CCDC154: variants seen among roughly 807,000 people sequenced by gnomAD.
CCDC154 encodes the protein coiled-coil domain containing 154, also known as coiled-coil domain-containing protein 154.
In CCDC154, 91 loss-of-function variants were observed where a neutral mutation model predicts 87.5. The ratio of observed to expected loss-of-function variants is 1.04; its 90% CI spans 0.88 to 1.24. The LOEUF is 1.24. CCDC154 is among the 50% of genes most tolerant of loss of function. The probability of loss-of-function intolerance (pLI) is 0.00; values close to 1 mark genes in which losing one functional copy is unlikely to be tolerated. For synonymous variants in CCDC154, 418 were observed against 400.4 expected (o/e 1.04, Z -0.52); for missense variants, 903 against 879.2 (o/e 1.03, Z -0.34).
chr16:1,443,767 C>T (rs781599154), intron 2 of CCDC154, 29 bp downstream of exon 2: 25 of 1,304,394 alleles, frequency 1.9e-5, no homozygotes, highest in African/African-American at 6.1e-5. Context: ...ACGTGGTCCT[C>T]CCCCGCCAGC....
In CCDC154 at chr16:1,438,925, T is replaced by A. The variant is rs986544876; in HGVS notation, c.796A>T (p.Ser266Cys). 5.7e-5 allele frequency: 89 copies of A among 1,548,994 alleles called. No individual in the cohort carries two copies. Among genetic ancestry groups the A allele is most frequent in the Non-Finnish European group, 7.6e-5 (87 of 1,146,342 alleles). Residue 266 changes from serine (S) to cysteine (C), a missense_variant, in exon 8 of 17, where the codon AGC (serine) becomes TGC (cysteine). Coordinates refer to ENST00000389176, the MANE Select transcript of CCDC154 (RefSeq NM_001143980.3). ...ALEKRMKASE[S>C]SRLKLEGSLR... ...CTGCCCTCCAGCTTCAGCCGTGAGC[T>A]CTCCGAGGCCTTCATTCTCTGTGGG...
At position 1,434,763 on chromosome 16, in the gene CCDC154, C is replaced by T. The variant is rs758177260; in HGVS notation, c.1782G>A (p.Ala594=). The change falls in exon 16 of 17, where the codon GCG becomes GCA. Residue 594 remains alanine, a synonymous_variant. Coordinates refer to ENST00000389176, the MANE Select transcript of CCDC154 (RefSeq NM_001143980.3). ...GPRTPLGSWK[A]LPSLVRPRVF... ...CCCGCGGCCTCACCAGGGATGGGAG[C>T]GCCTTCCAGCTGCCCAGCGGCGTCC... The T allele has an allele frequency of 2.1e-5, 33 of 1,544,772 alleles. No homozygotes were observed. Among genetic ancestry groups the T allele is most frequent in the South Asian group, 1.3e-4 (11 of 84,026 alleles).
intron 6 of CCDC154, among the ~76,000 whole-genome samples, chr16:1,440,500 G>GAAGAGAAGAGAA (rs1567258638): frequency 6.8e-6 from 1 of 147,308 alleles, no homozygotes; most frequent in Admixed American, 6.8e-5. Context: ...ACAGAAAAGA[G>GAAGAGAAGAGAA]AAGAGAAGAG....
chr16:1,439,809 A>T (rs561083043), intron 6 of CCDC154, among the ~76,000 whole-genome samples: 1 of 151,322 alleles, frequency 6.6e-6, no homozygotes, highest in Non-Finnish European at 1.5e-5. Context: ...CAGCCCCCAC[A>T]GTAGACATTG....
intron 16 of CCDC154, 40 bp downstream of exon 16, chr16:1,434,628 C>T (rs1205119591): frequency 3.9e-6 from 6 of 1,538,714 alleles, no homozygotes; most frequent in Non-Finnish European, 5.2e-6. Context: ...AACCCCGGCC[C>T]AAAGGCCCAG....
At chr16:1,437,144 G>A (rs2038509476) in intron 11 of CCDC154, 1 of 364,602 alleles carries the variant, frequency 2.7e-6, no homozygotes. Flanking sequence ...GTCGGTGGAT[G>A]AGCGGGAACC....
At chr16:1,441,583 G>C (rs978784655) in intron 6 of CCDC154, among the ~76,000 whole-genome samples, 1 of 152,194 alleles carries the variant, frequency 6.6e-6, no homozygotes, top group African/African-American at 2.4e-5. Flanking sequence ...TCGTGTCCTC[G>C]AGGAAGGTGA....
In CCDC154 at chr16:1,438,720, C is replaced by T; in HGVS notation, c.924G>A (p.Glu308=). Residue 308 remains glutamate, a synonymous_variant, in exon 9 of 17, where the codon GAG becomes GAA. Transcript: ENST00000389176. ...QGQHEESHLL[E]QCQGLDAAVA... is the part of the protein sequence containing the mutation. ...CGGCAGCATCCAGGCCCTGGCACTG[C>T]TCCAGGAGGTGGCTCTCCTGCCAGG... The T allele has an allele frequency of 6.5e-7, 1 of 1,549,864 alleles. No homozygotes were observed. Among genetic ancestry groups the T allele is most frequent in the Non-Finnish European group, 8.7e-7 (1 of 1,146,664 alleles).
chr16:1,437,078 G>C (rs538414315), intron 11 of CCDC154: 3 of 503,612 alleles, frequency 6.0e-6, no homozygotes, highest in African/African-American at 5.8e-5. Flanking sequence ...GCAGGCCCCG[G>C]TGGGACCCAG....
chr16:1,438,135 A>G lies in CCDC154; in HGVS notation c.1067T>C (p.Leu356Pro). 1 of 1,547,848 alleles carries G rather than the reference A, an allele frequency of 6.5e-7. No homozygotes were observed. The highest frequency in any genetic ancestry group is 8.7e-7 in the Non-Finnish European group (1 of 1,145,572). Residue 356 changes from leucine (L) to proline (P), a missense_variant, in exon 10 of 17, where the codon CTG becomes CCG. Transcript: ENST00000389176. ...CAGGTTCTCCTGCACATAGGCGGCC[A>G]GCTCCCCAGCCCGGCTTTCCTCCAA... is the stretch of plus-strand genomic sequence containing the variant. ...GRLEESRAGE[L>P]AAYVQENLEA...
In CCDC154 at chr16:1,443,598, G is replaced by A. The variant is rs1375161035; in HGVS notation, c.322C>T (p.Arg108Trp). The A allele has an allele frequency of 4.8e-6, 7 of 1,443,726 alleles. No individual in the cohort carries two copies. The highest frequency in any genetic ancestry group is 2.9e-5 in the East Asian group (1 of 34,400). 89.4% of individuals were successfully genotyped at this position (1,443,726 alleles called of 1,614,324 possible). Reference sequence around the variant, plus strand: ...GAGCCCTGCAGCTGCACGCGGGCCCGCACCTGGAGCAGCTCCCGCAGCAGG... The same window carrying A: ...GAGCCCTGCAGCTGCACGCGGGCCCACACCTGGAGCAGCTCCCGCAGCAGG... ...RSLLRELLQV[R>W]ARVQLQGSEL... Residue 108 changes from arginine to tryptophan, a missense_variant, in exon 3 of 17, where the codon CGG becomes TGG. By Grantham distance (101) the Arg-to-Trp change is moderately radical. Coordinates refer to ENST00000389176, the MANE Select transcript of CCDC154 (RefSeq NM_001143980.3).
At chr16:1,443,011 C>A (rs909829326) in intron 4 of CCDC154, 36 bp from the exon 5 acceptor site, 12 of 1,547,668 alleles carry the variant, frequency 7.8e-6, no homozygotes, top group African/African-American at 2.7e-5. Context: ...GAGGCCCAGG[C>A]GGGCTGAGCA....
At chr16:1,435,519 T>TTTTTGTTTTTGTTTTTG (rs1555462959) in intron 14 of CCDC154, among the ~76,000 whole-genome samples, 4 of 150,664 alleles carry the variant, frequency 2.7e-5, no homozygotes, top group African/African-American at 1.0e-4. Context: ...TTTGTTTTTG[T>TTTTTGTTTTTGTTTTTG]TTTTGTTTTG....
At chr16:1,435,428 G>A (rs1456358481) in intron 14 of CCDC154, 7 of 557,036 alleles carry the variant, frequency 1.3e-5, no homozygotes, top group Admixed American at 6.6e-5. Context: ...ACGGCACCCC[G>A]GTGTGGGGGC....
Position 1,443,546 on chromosome 16 carries a change from G to A in CCDC154, c.374C>T (p.Ala125Val), listed in dbSNP as rs111972266. ...GSELRQLQQE[A>V]RPAAQAPEKE... ...TTCGGGGGCCTGGGCTGCCGGCCGC[G>A]CCTCCTGCTGCAACTGCCTCAGCTC... The change falls in exon 3 of 17, where the codon GCG becomes GTG. Residue 125 changes from alanine to valine, a missense_variant. Coordinates refer to ENST00000389176, the MANE Select transcript of CCDC154 (RefSeq NM_001143980.3). 125 of 1,475,160 alleles carry A rather than the reference G, an allele frequency of 8.5e-5. 1 individual carries two copies. In the East Asian group the frequency reaches 1.5e-3, roughly 17 times the overall value. 91.4% of individuals were successfully genotyped at this position (1,475,160 alleles called of 1,614,324 possible).
At chr16:1,441,771 G>C (rs1391975447) in intron 6 of CCDC154, among the ~76,000 whole-genome samples, 1 of 152,158 alleles carries the variant, frequency 6.6e-6, no homozygotes, top group African/African-American at 2.4e-5. Flanking sequence ...GCCCCACGTG[G>C]CAACTGAGCT....
Position 1,438,102 on chromosome 16 carries a change from GCGGCCT to G in CCDC154, c.1094_1099del (p.Glu365_Ala366del). 6.5e-7 allele frequency: 1 copy of G among 1,548,956 alleles called. No individual in the cohort carries two copies. Among genetic ancestry groups the G allele is most frequent in the East Asian group, 2.4e-5 (1 of 40,884 alleles). On this transcript the variant is annotated inframe_deletion, in exon 10 of 17. Transcript: ENST00000389176. ...CCGGGCCAGCTCGCCAGCCAGCTGT[GCGGCCT>G]CCAGGTTCTCCTGCACATAGGCGGC...
At chr16:1,438,979 G>C (rs745732661) in intron 7 of CCDC154, 36 bp from the exon 8 acceptor site, 1 of 1,549,494 alleles carries the variant, frequency 6.5e-7, no homozygotes. Flanking sequence ...GCAGGTCTGC[G>C]TCTGGGAAGG....
At position 1,436,674 on chromosome 16, in the gene CCDC154, G is replaced by A. The variant is rs1293892415; in HGVS notation, c.1410+18C>T. ...TCCAAGGCCCAAGTACACCAAGGCT[G>A]GCTGTGCCTTCGCCCACCTGCTGGG... On this transcript the variant is annotated intron_variant, in intron 12 of 16. Transcript: ENST00000389176. 1 of 1,549,534 alleles carries A rather than the reference G, an allele frequency of 6.5e-7. No individual in the cohort carries two copies. The highest frequency in any genetic ancestry group is 1.4e-5 in the African/African-American group (1 of 72,986).
Sources: gnomAD v4.1 joint callset for allele counts (sites outside exome capture counted in the v4.1 genomes callset) on GRCh38, gnomAD v4.1.1 for gene constraint, MANE v1.5 for transcripts, NCBI Gene and HGNC (gene_info 2026-07-23, HGNC 2026-07-21) for gene names.